Variants in KCNK9 observed in about 807,000 individuals in gnomAD.
KCNK9 encodes the protein potassium two pore domain channel subfamily K member 9.
Under a neutral mutation model 10.8 loss-of-function variants are expected in KCNK9, and 1 was observed. The observed-to-expected ratio is 0.09, with a 90% CI of 0.03 to 0.44. The LOEUF (loss-of-function observed/expected upper bound fraction) is 0.44, where lower values mean the gene tolerates loss of function less well. Among genes scored for constraint, KCNK9 ranks in the 20% least tolerant of loss-of-function variants. The probability of loss-of-function intolerance (pLI) is 0.97; values close to 1 mark genes in which losing one functional copy is unlikely to be tolerated. For synonymous variants in KCNK9, 231 were observed against 222.7 expected (o/e 1.04, Z -0.33); for missense variants, 303 against 515.0 (o/e 0.59, Z 3.98).
intron 1 of KCNK9, among the ~76,000 whole-genome samples, chr8:139,637,667 G>A (rs1039710983): frequency 4.6e-5 from 7 of 151,954 alleles, no homozygotes; most frequent in African/African-American, 1.7e-4. Context: ...AAACCTTCTG[G>A]AGATCTGTTA....
At chr8:139,677,115 T>C (rs1816566951) in intron 1 of KCNK9, among the ~76,000 whole-genome samples, 2 of 152,090 alleles carry the variant, frequency 1.3e-5, no homozygotes, top group Admixed American at 6.5e-5. Flanking sequence ...CCCCACATCA[T>C]GTTTCTGGAC....
intron 1 of KCNK9, among the ~76,000 whole-genome samples, chr8:139,663,346 C>T (rs1419361790): frequency 2.6e-5 from 4 of 152,114 alleles, no homozygotes; most frequent in African/African-American, 9.7e-5. Flanking sequence ...TCCTCCCATC[C>T]GCTCTTGGGG....
rs1814658615 is a variant in KCNK9 at position 139,618,200 on chromosome 8, A to G, written c.*58T>C. 2 of 1,609,402 alleles carry G rather than the reference A, an allele frequency of 1.2e-6. No individual in the cohort carries two copies. Among genetic ancestry groups the G allele is most frequent in the Non-Finnish European group, 1.7e-6 (2 of 1,175,894 alleles). ...AAATAAGAAAAGACGAGTTGGACCA[A>G]TGGAAATTAACACCAACTATGACAA... On this transcript the variant is annotated 3_prime_UTR_variant, in exon 2 of 2. Transcript: ENST00000520439. The surrounding 1 kb of genome is among the most constrained non-coding windows in gnomAD (Gnocchi z 7.9).
At chr8:139,641,265 C>T (rs1815497479) in intron 1 of KCNK9, among the ~76,000 whole-genome samples, 1 of 152,294 alleles carries the variant, frequency 6.6e-6, no homozygotes, top group Admixed American at 6.5e-5. Context: ...CACCCAGCAC[C>T]CACTCTCAGG....
At chr8:139,623,607 G>A (rs925379829) in intron 1 of KCNK9, among the ~76,000 whole-genome samples, 1 of 152,076 alleles carries the variant, frequency 6.6e-6, no homozygotes, top group Non-Finnish European at 1.5e-5. Flanking sequence ...ACATGCCCAG[G>A]TGGATTTTCC....
chr8:139,699,208 T>C lies in KCNK9; in HGVS notation c.283+3502A>G, dbSNP rs78047807. Among the ~76,000 whole-genome samples the C allele has an allele frequency of 5.0e-3, 754 of 152,306 alleles. 5 individuals carry two copies. The highest frequency in any genetic ancestry group is 0.017 in the African/African-American group (714 of 41,548). Reference sequence around the variant, plus strand: ...ACAGCTCAGGTCACAGATGTTAGATTGGAGAAAGAAGTGTCATGGAGACTC... The same window carrying C: ...ACAGCTCAGGTCACAGATGTTAGATCGGAGAAAGAAGTGTCATGGAGACTC... On this transcript the variant is annotated intron_variant, in intron 1 of 1. Coordinates refer to ENST00000520439, the MANE Select transcript of KCNK9 (RefSeq NM_001282534.2).
At chr8:139,689,554 T>C (rs565934437) in intron 1 of KCNK9, among the ~76,000 whole-genome samples, 86 of 152,110 alleles carry the variant, frequency 5.7e-4, no homozygotes, top group African/African-American at 2.0e-3. Flanking sequence ...CTTTGGCCAA[T>C]GGTATGTGGG....
chr8:139,677,361 C>G (rs1284458164), intron 1 of KCNK9, among the ~76,000 whole-genome samples: 1 of 152,128 alleles, frequency 6.6e-6, no homozygotes, highest in Non-Finnish European at 1.5e-5. Flanking sequence ...TGGGCTCATC[C>G]AACCCCAGGG....
chr8:139,635,584 G>C (rs887889817), intron 1 of KCNK9, among the ~76,000 whole-genome samples: 6 of 152,222 alleles, frequency 3.9e-5, no homozygotes, highest in African/African-American at 1.4e-4. Flanking sequence ...AATGGAAAAA[G>C]CCTGCTGCTA....
intron 1 of KCNK9, among the ~76,000 whole-genome samples, chr8:139,678,855 A>T (rs987302073): frequency 6.6e-6 from 1 of 152,214 alleles, no homozygotes; most frequent in Admixed American, 6.5e-5. Flanking sequence ...CCAGGTTTTA[A>T]ACGGGTAAGA....
intron 2 of KCNK9, among the ~76,000 whole-genome samples, chr8:139,603,786 G>GA (rs1318821385): frequency 6.6e-6 from 1 of 152,208 alleles, no homozygotes; most frequent in Non-Finnish European, 1.5e-5. Context: ...TGAAGATTCT[G>GA]GAAAGCACAG....
intron 1 of KCNK9, among the ~76,000 whole-genome samples, chr8:139,701,040 G>A (rs762180730): frequency 2.0e-5 from 3 of 152,146 alleles, no homozygotes; most frequent in Non-Finnish European, 4.4e-5. Context: ...CCTTTCCCCA[G>A]GGGTGGCCAG....
intron 2 of KCNK9, among the ~76,000 whole-genome samples, chr8:139,601,841 T>C (rs1817377548): frequency 6.6e-6 from 1 of 152,138 alleles, no homozygotes; most frequent in African/African-American, 2.4e-5. Context: ...TTAACTCAGA[T>C]ATTTATTGTG....
At chr8:139,700,538 A>ACGCGCGCGCG (rs1382780049) in intron 1 of KCNK9, among the ~76,000 whole-genome samples, 1 of 119,786 alleles carries the variant, frequency 8.3e-6, no homozygotes, top group African/African-American at 3.6e-5. Context: ...ACACACACAC[A>ACGCGCGCGCG]CGCGCGCACA....
In KCNK9 at chr8:139,617,670, G is replaced by A. The variant is rs1012828107; in HGVS notation, c.*588C>T. Among the ~76,000 whole-genome samples, 16 of 152,262 alleles carry A rather than the reference G, an allele frequency of 1.1e-4. No individual in the cohort carries two copies. The highest frequency in any genetic ancestry group is 2.4e-4 in the African/African-American group (10 of 41,550). ...AAAACCTTGTGGGTTTTGTCTTCCC[G>A]TTTTGTTTGGAAGCAGCCAAAAGCA... is the stretch of plus-strand genomic sequence containing the variant. On this transcript the variant is annotated 3_prime_UTR_variant, in exon 2 of 2. Coordinates refer to ENST00000520439, the MANE Select transcript of KCNK9 (RefSeq NM_001282534.2).
In KCNK9 at chr8:139,702,401, C is replaced by T. The variant is rs1817246626; in HGVS notation, c.283+309G>A. 6.6e-6 allele frequency among the ~76,000 whole-genome samples: 1 copy of T among 152,052 alleles called. No homozygotes were observed. Among genetic ancestry groups the T allele is most frequent in the African/African-American group, 2.4e-5 (1 of 41,400 alleles). On this transcript the variant is annotated intron_variant, in intron 1 of 1. Coordinates refer to ENST00000520439, the MANE Select transcript of KCNK9 (RefSeq NM_001282534.2). The surrounding 1 kb of genome is among the most constrained non-coding windows in gnomAD (Gnocchi z 7.5). The stretch of plus-strand genomic sequence containing the variant: ...GGTGGGTGTCTGCTATGGGATTATT[C>T]TTAGCGCTCCACTCTCTTCGCAAAA...
At chr8:139,655,432 G>C (rs1005502254) in intron 1 of KCNK9, among the ~76,000 whole-genome samples, 4 of 152,248 alleles carry the variant, frequency 2.6e-5, no homozygotes, top group African/African-American at 9.6e-5. Context: ...AACCTGACTA[G>C]GCAGATTTTC....
At chr8:139,684,192 G>A (rs894372211) in intron 1 of KCNK9, among the ~76,000 whole-genome samples, 1 of 152,136 alleles carries the variant, frequency 6.6e-6, no homozygotes, top group African/African-American at 2.4e-5. Context: ...ACATTTCATT[G>A]TAGTCCTCTT....
intron 1 of KCNK9, among the ~76,000 whole-genome samples, chr8:139,687,630 G>A (rs1269360406): frequency 3.3e-5 from 1 of 30,226 alleles, no homozygotes; most frequent in Non-Finnish European, 8.5e-5. Flanking sequence ...ATATTCATAT[G>A]TATACATATG....
Sources: gnomAD v4.1 joint callset for allele counts (sites outside exome capture counted in the v4.1 genomes callset) on GRCh38, gnomAD v4.1.1 for gene constraint, Gnocchi (gnomAD v3.1) non-coding constraint, MANE v1.5 for transcripts, NCBI Gene and HGNC (gene_info 2026-07-23, HGNC 2026-07-21) for gene names.